LPP: variants seen among roughly 807,000 people sequenced by gnomAD.
The protein encoded by LPP is lipoma-preferred partner.
LPP carries 38 observed loss-of-function variants against 60.4 expected under a neutral mutation model. That is an observed-to-expected ratio of 0.63 (90% CI 0.49 to 0.83). The LOEUF (loss-of-function observed/expected upper bound fraction) is 0.83, where lower values mean the gene tolerates loss of function less well. Ranked by LOEUF, LPP falls within the 40% of genes least tolerant of loss-of-function variation. The probability of loss-of-function intolerance (pLI) is 0.00; values close to 1 mark genes in which losing one functional copy is unlikely to be tolerated. For synonymous variants in LPP, 328 were observed against 290.8 expected (o/e 1.13, Z -1.30); for missense variants, 902 against 783.6 (o/e 1.15, Z -1.80).
rs184876560 is a variant in LPP at position 188,874,791 on chromosome 3, C to T, written c.*312C>T. 3.4e-5 allele frequency: 9 copies of T among 266,224 alleles called. No individual in the cohort carries two copies. The highest frequency in any genetic ancestry group is 1.1e-3 in the Middle Eastern group (1 of 908). 16.5% of individuals were successfully genotyped at this position (266,224 alleles called of 1,614,324 possible). A position where few individuals can be genotyped will look rare whatever the true frequency, so the allele number is the denominator to read the frequency against. ...TCCCTATGTTTGTCTCACTTTTCAT[C>T]TGGTTGAATGGCTTTTCTTAGTGTG... On this transcript the variant is annotated 3_prime_UTR_variant, in exon 12 of 12. Transcript: ENST00000617246.
intron 2 of LPP, among the ~76,000 whole-genome samples, chr3:188,247,750 G>A (rs1306731391): frequency 6.7e-6 from 1 of 150,164 alleles, no homozygotes; most frequent in African/African-American, 2.5e-5. Context: ...AGTGAGACGA[G>A]ATTGCGCCAT....
In LPP at chr3:188,677,579, T is replaced by A. The variant is rs1046632292; in HGVS notation, c.1114-30688T>A. Among the ~76,000 whole-genome samples the A allele has an allele frequency of 3.9e-5, 6 of 152,334 alleles. No individual in the cohort carries two copies. In the East Asian group the frequency reaches 1.2e-3, roughly 29 times the overall value. The stretch of plus-strand genomic sequence containing the variant: ...CTTCTTTAAAAGCTGTTATTAAATC[T>A]TCCTGTGGCTGTCCTAGAGATGATA... On this transcript the variant is annotated intron_variant, in intron 7 of 11. Transcript: ENST00000617246.
chr3:188,266,949 A>G (rs887475339), intron 2 of LPP, among the ~76,000 whole-genome samples: 3 of 152,206 alleles, frequency 2.0e-5, no homozygotes, highest in Admixed American at 6.5e-5. Flanking sequence ...GGTGAAGTCC[A>G]TTGTTACTCA....
At position 188,363,099 on chromosome 3, in the gene LPP, A is replaced by G. The variant is rs1321448404; in HGVS notation, c.-10+21380A>G. ...CAGCTGTGTGATTAGCAGGGCATGA[A>G]ATTAAAAACGTTTTGCACAGAATCA... On this transcript the variant is annotated intron_variant, in intron 3 of 11. Transcript: ENST00000617246. 2.8e-4 allele frequency among the ~76,000 whole-genome samples: 42 copies of G among 152,104 alleles called. 1 individual carries two copies. Among genetic ancestry groups the G allele is most frequent in the Admixed American group, 2.7e-3 (42 of 15,276 alleles).
intron 2 of LPP, among the ~76,000 whole-genome samples, chr3:188,241,238 G>A (rs577450252): frequency 6.6e-6 from 1 of 152,182 alleles, no homozygotes; most frequent in South Asian, 2.1e-4. Context: ...ATCTGCGCAG[G>A]CCTCTCTGCA....
At chr3:188,556,701 T>C (rs1388049623) in intron 6 of LPP, among the ~76,000 whole-genome samples, 3 of 152,020 alleles carry the variant, frequency 2.0e-5, no homozygotes, top group Non-Finnish European at 2.9e-5. Flanking sequence ...AGATTGTGAA[T>C]GCTCTGCGAA....
intron 7 of LPP, among the ~76,000 whole-genome samples, chr3:188,675,373 A>G (rs1398744209): frequency 1.3e-5 from 2 of 152,262 alleles, no homozygotes; most frequent in Non-Finnish European, 2.9e-5. Flanking sequence ...TAACTGCTCA[A>G]CAAGTAGACC....
intron 7 of LPP, among the ~76,000 whole-genome samples, chr3:188,617,269 A>C (rs1245471546): frequency 6.6e-6 from 1 of 152,186 alleles, no homozygotes; most frequent in Non-Finnish European, 1.5e-5. Flanking sequence ...CTGAGGCCTG[A>C]AGAGTTACAG....
At chr3:188,361,654 C>T (rs111329185) in intron 3 of LPP, among the ~76,000 whole-genome samples, 7,528 of 151,622 alleles carry the variant, frequency 0.05, 266 homozygotes, top group East Asian at 0.21. Context: ...GCAACCTCCA[C>T]CTCCCGGGTC....
chr3:188,174,919 C>A (rs57016256), intron 1 of LPP, among the ~76,000 whole-genome samples: 3,576 of 152,128 alleles, frequency 0.024, 139 homozygotes, highest in African/African-American at 0.081. Context: ...TCACTTCTTA[C>A]CTTCTCTTGT....
intron 7 of LPP, among the ~76,000 whole-genome samples, chr3:188,699,719 A>G (rs1469286778): frequency 6.6e-6 from 1 of 152,190 alleles, no homozygotes; most frequent in Non-Finnish European, 1.5e-5. Flanking sequence ...ATTTCAATTC[A>G]GATAGTCAGG....
chr3:188,654,286 C>T (rs1293926699), intron 7 of LPP, among the ~76,000 whole-genome samples: 1 of 152,104 alleles, frequency 6.6e-6, no homozygotes, highest in East Asian at 1.9e-4. Context: ...TTGAATCTGG[C>T]CAACTGAGCT....
intron 7 of LPP, among the ~76,000 whole-genome samples, chr3:188,639,178 A>G (rs1053159834): frequency 6.6e-5 from 10 of 152,186 alleles, no homozygotes; most frequent in African/African-American, 1.9e-4. Context: ...ATATAGATCA[A>G]TGGAACAGAA....
chr3:188,415,093 A>T (rs1423131829), intron 4 of LPP, among the ~76,000 whole-genome samples: 1 of 152,180 alleles, frequency 6.6e-6, no homozygotes, highest in Non-Finnish European at 1.5e-5. Context: ...AACAATAATT[A>T]ATGCTGATTT....
intron 6 of LPP, among the ~76,000 whole-genome samples, chr3:188,577,541 A>G (rs1204888462): frequency 6.6e-6 from 1 of 151,280 alleles, no homozygotes; most frequent in East Asian, 1.9e-4. Flanking sequence ...ACATACAGTA[A>G]TTAATATATT....
At chr3:188,345,824 C>A (rs1238232569) in intron 3 of LPP, among the ~76,000 whole-genome samples, 3 of 152,142 alleles carry the variant, frequency 2.0e-5, no homozygotes, top group Non-Finnish European at 4.4e-5. Context: ...ACCACTGGAC[C>A]TAAGCACTTA....
intron 8 of LPP, among the ~76,000 whole-genome samples, chr3:188,740,477 T>C (rs112101259): frequency 1.3e-5 from 2 of 152,138 alleles, no homozygotes; most frequent in African/African-American, 4.8e-5. Context: ...TAATCCATTA[T>C]GAATATTTTA....
chr3:188,559,487 A>G (rs908433164), intron 6 of LPP, among the ~76,000 whole-genome samples: 1 of 152,092 alleles, frequency 6.6e-6, no homozygotes, highest in African/African-American at 2.4e-5. Context: ...TGATGGTACT[A>G]TAAGAGCTCT....
At chr3:188,475,105 C>T (rs1206855740) in intron 4 of LPP, among the ~76,000 whole-genome samples, 1 of 152,194 alleles carries the variant, frequency 6.6e-6, no homozygotes, top group East Asian at 1.9e-4. Flanking sequence ...TCATGTAATA[C>T]ACTGAGGTGT....
Sources: allele counts gnomAD v4.1 joint callset (sites outside exome capture counted in the v4.1 genomes callset), GRCh38; gene constraint gnomAD v4.1.1; transcripts MANE v1.5; gene names NCBI Gene and HGNC (gene_info 2026-07-23, HGNC 2026-07-21).